Variants in NAALADL2 observed in about 807,000 individuals in gnomAD.
NAALADL2 encodes N-acetylated alpha-linked acidic dipeptidase like 2.
A neutral mutation model predicts 87.2 loss-of-function variants in NAALADL2; 76 were observed. That is an observed-to-expected ratio of 0.87 (90% confidence interval 0.72 to 1.05). The LOEUF is 1.05. Among genes scored for constraint, NAALADL2 ranks in the 50% least tolerant of loss-of-function variants. The pLI is 0.00. For missense variants in NAALADL2, 1,089 were observed against 945.8 expected (o/e 1.15, Z -1.99); for synonymous variants, 354 against 331.0 (o/e 1.07, Z -0.75).
At chr3:174,637,111 T>G (rs896076649) in intron 2 of NAALADL2, among the ~76,000 whole-genome samples, 5 of 151,406 alleles carry the variant, frequency 3.3e-5, no homozygotes, top group Admixed American at 2.0e-4. Context: ...TATATGAGAG[T>G]GAAAAATGTT....
intron 1 of NAALADL2, among the ~76,000 whole-genome samples, chr3:175,089,539 A>C (rs1242674055): frequency 6.6e-6 from 1 of 152,174 alleles, no homozygotes; most frequent in Non-Finnish European, 1.5e-5. Flanking sequence ...GACATAATGG[A>C]GGTAAAGACC....
At chr3:174,939,961 CT>C (rs1333110261) in intron 1 of NAALADL2, among the ~76,000 whole-genome samples, 1 of 151,978 alleles carries the variant, frequency 6.6e-6, no homozygotes, top group Admixed American at 6.6e-5. Context: ...ATAGAAATAG[CT>C]TGACTTCTTC....
At chr3:174,664,238 T>C (rs1056931951) in intron 2 of NAALADL2, among the ~76,000 whole-genome samples, 2 of 152,214 alleles carry the variant, frequency 1.3e-5, no homozygotes, top group African/African-American at 4.8e-5. Context: ...TTTGAAACAA[T>C]TGGTAAATGA....
chr3:175,398,307 A>G (rs1581725916), intron 5 of NAALADL2, among the ~76,000 whole-genome samples: 1 of 151,380 alleles, frequency 6.6e-6, no homozygotes, highest in Non-Finnish European at 1.5e-5. Context: ...GCTGACATCC[A>G]GGAAACTTTC....
At chr3:174,973,923 A>C (rs1275655710) in intron 1 of NAALADL2, among the ~76,000 whole-genome samples, 1 of 152,162 alleles carries the variant, frequency 6.6e-6, no homozygotes, top group East Asian at 1.9e-4. Flanking sequence ...AAGTTGAAAA[A>C]CTTGTTTCAG....
At chr3:175,056,616 G>A (rs878973681) in intron 1 of NAALADL2, among the ~76,000 whole-genome samples, 3 of 152,150 alleles carry the variant, frequency 2.0e-5, no homozygotes, top group African/African-American at 7.2e-5. Context: ...GGGTCTTATA[G>A]CCTTCAGAGC....
chr3:174,652,563 ATCTCGTG>A, intron 2 of NAALADL2, among the ~76,000 whole-genome samples: 1 of 152,106 alleles, frequency 6.6e-6, no homozygotes, highest in African/African-American at 2.4e-5. Flanking sequence ...AAGCCATCAG[ATCTCGTG>A]AAACTTATTC....
chr3:174,532,421 A>G (rs1457982023), intron 1 of NAALADL2, among the ~76,000 whole-genome samples: 1 of 152,144 alleles, frequency 6.6e-6, no homozygotes, highest in Non-Finnish European at 1.5e-5. Flanking sequence ...ATATTTGAGT[A>G]GAGAAGGAAA....
chr3:175,042,904 C>A (rs1323676429), intron 1 of NAALADL2, among the ~76,000 whole-genome samples: 1 of 151,994 alleles, frequency 6.6e-6, no homozygotes, highest in Non-Finnish European at 1.5e-5. Context: ...AGTGAGTGCT[C>A]ACTCTATTAG....
chr3:174,700,034 C>T (rs1385942346), intron 2 of NAALADL2, among the ~76,000 whole-genome samples: 4 of 151,532 alleles, frequency 2.6e-5, no homozygotes, highest in African/African-American at 9.7e-5. Flanking sequence ...AGACTAGTTA[C>T]TGTGTTTGTT....
intron 3 of NAALADL2, among the ~76,000 whole-genome samples, chr3:174,811,738 A>C (rs866310266): frequency 6.6e-6 from 1 of 152,166 alleles, no homozygotes; most frequent in African/African-American, 2.4e-5. Context: ...TGAGAAGGAC[A>C]TGAGATTTAG....
intron 11 of NAALADL2, chr3:175,675,570 C>T (rs545224732): frequency 6.6e-6 from 1 of 152,284 alleles, no homozygotes; most frequent in South Asian, 2.1e-4. Flanking sequence ...AGTAATTCTT[C>T]CAATTAGATG....
Position 174,994,756 on chromosome 3 carries a change from G to A in NAALADL2, c.44-102034G>A, listed in dbSNP as rs143591286. Among the ~76,000 whole-genome samples, 418 of 152,158 alleles carry A rather than the reference G, an allele frequency of 2.7e-3. 4 individuals are homozygous for A. Among genetic ancestry groups the A allele is most frequent in the East Asian group, 8.5e-3 (44 of 5,178 alleles). ...ATTTCACTAATCTTAGTCTATTTCC[G>A]TTTGGAAATTCTCAAATTTTTAATT... On this transcript the variant is annotated intron_variant, in intron 1 of 13. Coordinates refer to ENST00000454872, the MANE Select transcript of NAALADL2 (RefSeq NM_207015.3).
intron 4 of NAALADL2, among the ~76,000 whole-genome samples, chr3:175,274,172 G>A (rs557172906): frequency 6.6e-6 from 1 of 152,246 alleles, no homozygotes; most frequent in South Asian, 2.1e-4. Flanking sequence ...AGCAAGACAC[G>A]TCTTTGTGGC....
At chr3:175,220,868 G>C (rs1370398252) in intron 2 of NAALADL2, among the ~76,000 whole-genome samples, 1 of 152,110 alleles carries the variant, frequency 6.6e-6, no homozygotes, top group Non-Finnish European at 1.5e-5. Flanking sequence ...ATTCCCGCAA[G>C]TACTGTTAGG....
At chr3:174,794,958 A>C (rs1188559086) in intron 3 of NAALADL2, among the ~76,000 whole-genome samples, 3 of 148,764 alleles carry the variant, frequency 2.0e-5, no homozygotes, top group Non-Finnish European at 4.5e-5. Context: ...TGTTTAATTT[A>C]AAAGTTGAAA....
chr3:174,740,789 T>A (rs1733690607), intron 3 of NAALADL2, among the ~76,000 whole-genome samples: 1 of 151,822 alleles, frequency 6.6e-6, no homozygotes, highest in Admixed American at 6.6e-5. Context: ...CACATATTAG[T>A]GAGTGTCTAG....
At chr3:174,457,218 G>A (rs914648758) in intron 1 of NAALADL2, among the ~76,000 whole-genome samples, 1 of 152,158 alleles carries the variant, frequency 6.6e-6, no homozygotes, top group Non-Finnish European at 1.5e-5. Context: ...TGCTGGTGAA[G>A]TTGTGGAGGA....
intron 3 of NAALADL2, among the ~76,000 whole-genome samples, chr3:174,764,471 G>A (rs1713506908): frequency 6.6e-6 from 1 of 152,164 alleles, no homozygotes; most frequent in African/African-American, 2.4e-5. Flanking sequence ...TTAGCCAGGT[G>A]TGGTGGTGTG....
Sources: allele counts gnomAD v4.1 joint callset (sites outside exome capture counted in the v4.1 genomes callset), GRCh38; gene constraint gnomAD v4.1.1; transcripts MANE v1.5; gene names NCBI Gene and HGNC (gene_info 2026-07-23, HGNC 2026-07-21).